Variants in TECR observed in about 807,000 individuals in gnomAD.
TECR encodes trans-2,3-enoyl-CoA reductase.
In TECR, 19 loss-of-function variants were observed where a neutral mutation model predicts 50.6. The observed-to-expected ratio is 0.38, with a 90% CI of 0.26 to 0.55. The LOEUF (loss-of-function observed/expected upper bound fraction) is 0.55, where lower values mean the gene tolerates loss of function less well. Ranked by LOEUF, TECR falls within the 20% of genes least tolerant of loss-of-function variation. The probability of loss-of-function intolerance (pLI) is 0.79; values close to 1 mark genes in which losing one functional copy is unlikely to be tolerated. For synonymous variants in TECR, 168 were observed against 163.5 expected (o/e 1.03, Z -0.21); for missense variants, 313 against 408.3 (o/e 0.77, Z 2.01).
chr19:14,561,867 A>G (rs1362148950), intron 1 of TECR: 1 of 157,566 alleles, frequency 6.3e-6, no homozygotes, highest in East Asian at 1.9e-4. Flanking sequence ...CGGATTCTCA[A>G]AATAGCTGGG....
rs551375507 is a variant in TECR, at chr19:14,565,000, G to A, written c.606+8G>A. 2.4e-4 allele frequency: 394 copies of A among 1,614,050 alleles called. 2 individuals carry two copies. In the South Asian group the frequency reaches 4.1e-3, roughly 17 times the overall value. On this transcript the variant is annotated splice_region_variant and intron_variant, in intron 9 of 12. Coordinates refer to ENST00000215567, the MANE Select transcript of TECR (RefSeq NM_138501.6). ...GCGCTCGCCATCTTTGTGGTAAGGA[G>A]GCTGGGTGTGGGGACGGGGTCGGGG...
rs1240311552 is a variant in TECR, at chr19:14,563,175, G to A, written c.67-31G>A. 2 of 1,613,626 alleles carry A rather than the reference G, an allele frequency of 1.2e-6. No homozygotes were observed. Among genetic ancestry groups the A allele is most frequent in the South Asian group, 1.1e-5 (1 of 91,078 alleles). ...ATCCTGAGTCTGGGCTCCCCGCAGA[G>A]CTGACGTCCCTGCGCCTGTGCTTCC... On this transcript the variant is annotated intron_variant, in intron 2 of 12. Transcript: ENST00000215567. This position sits in a 1 kb window ranked among gnomAD's most constrained non-coding sequence, Gnocchi z 5.3.
intron 1 of TECR, among the ~76,000 whole-genome samples, chr19:14,542,357 T>TGG (rs1568404130): frequency 2.4e-5 from 3 of 122,670 alleles, no homozygotes; most frequent in African/African-American, 9.7e-5. Flanking sequence ...GTTTTTTTTT[T>TGG]TTTTTTTTTT....
In TECR at chr19:14,542,347, GTTTTTTTTTT is replaced by G. The variant is rs71166754; in HGVS notation, c.15+12656_15+12665del. 4.2e-3 allele frequency among the ~76,000 whole-genome samples: 184 copies of G among 43,308 alleles called. 1 individual carries two copies. The highest frequency in any genetic ancestry group is 0.014 in the African/African-American group (173 of 12,332). The allele number at this position is 43,308 out of a possible 152,430, so 28.4% of individuals were successfully genotyped here. On this transcript the variant is annotated intron_variant, in intron 1 of 12. Transcript: ENST00000215567. ...CCTCAGGGGGCCCTCATGCCATAGTGTTTTTTTTTTTTTTTTTTTTTTTTTTTTTCTGAGA... is the reference window on the plus strand; with the variant it reads ...CCTCAGGGGGCCCTCATGCCATAGTGTTTTTTTTTTTTTTTTTTTCTGAGA...
intron 11 of TECR, 144 bp downstream of exon 11, chr19:14,565,434 G>C: frequency 2.9e-6 from 4 of 1,362,892 alleles, no homozygotes; most frequent in Non-Finnish European, 4.1e-6. Flanking sequence ...CGGCCTCTCT[G>C]CTGTGGTGGC....
At chr19:14,534,280 A>C (rs2072782117) in intron 1 of TECR, among the ~76,000 whole-genome samples, 2 of 142,752 alleles carry the variant, frequency 1.4e-5, no homozygotes, top group African/African-American at 5.0e-5. Context: ...GCCTGCCACC[A>C]TGCCTGGCTA....
At chr19:14,530,491 T>C (rs990633743) in intron 1 of TECR, 5 of 152,268 alleles carry the variant, frequency 3.3e-5, no homozygotes, top group African/African-American at 9.6e-5. Context: ...AAATTTGTTA[T>C]TAAAATTCAA....
chr19:14,563,247 C>T lies in TECR; in HGVS notation c.108C>T (p.Phe36=). 1 of 1,613,816 alleles carries T rather than the reference C, an allele frequency of 6.2e-7. No individual in the cohort carries two copies. ...CCATTGCGGAGATCAAGAACCTCTTCACTAAGACCCGTGAGTTCTAGTCCC... is the reference window on the plus strand; with the variant it reads ...CCATTGCGGAGATCAAGAACCTCTTTACTAAGACCCGTGAGTTCTAGTCCC... ...HATIAEIKNL[F]TKTHPQWYPA... The change falls in exon 3 of 13, where the codon TTC becomes TTT. Residue 36 remains phenylalanine (F), a synonymous_variant. Coordinates refer to ENST00000215567, the MANE Select transcript of TECR (RefSeq NM_138501.6). The surrounding 1 kb of genome is among the most constrained non-coding windows in gnomAD (Gnocchi z 5.3).
chr19:14,529,523 T>C (rs1370698836), upstream of TECR: 2 of 846,518 alleles, frequency 2.4e-6, no homozygotes, highest in Admixed American at 1.9e-5. Context: ...GGGGCGAACG[T>C]GGGCGCCTCG....
At position 14,564,085 on chromosome 19, in the gene TECR, A is replaced by T. The variant is rs766346435; in HGVS notation, c.371A>T (p.His124Leu). Residue 124 changes from histidine to leucine, a missense_variant, in exon 6 of 13, where the codon CAT (histidine) becomes CTT (leucine). Coordinates refer to ENST00000215567, the MANE Select transcript of TECR (RefSeq NM_138501.6). ...GHKYDFTSSR[H>L]TVVHLACICH... is the part of the protein sequence containing the mutation. ...AAATATGACTTTACGTCCAGTCGGCATACAGTGGTGCAGTAAGTGGGGCAG... is the reference window on the plus strand; with the variant it reads ...AAATATGACTTTACGTCCAGTCGGCTTACAGTGGTGCAGTAAGTGGGGCAG... 6.2e-7 allele frequency: 1 copy of T among 1,612,454 alleles called. No homozygotes were observed.
At chr19:14,536,044 GT>G (rs2072886053) in intron 1 of TECR, among the ~76,000 whole-genome samples, 1 of 152,034 alleles carries the variant, frequency 6.6e-6, no homozygotes, top group Non-Finnish European at 1.5e-5. Flanking sequence ...AATTTTTCTG[GT>G]TTAACTTCTG....
Position 14,565,063 on chromosome 19 carries a change from C to T in TECR, c.607-3C>T. The T allele has an allele frequency of 6.2e-7, 1 of 1,613,900 alleles. No homozygotes were observed. The highest frequency in any genetic ancestry group is 8.5e-7 in the Non-Finnish European group (1 of 1,180,032). ...CCCTAGGCTGATCCTGCTTCTCTGA[C>T]AGATCTGCCAGCTCGGCAACTTCTC... On this transcript the variant is annotated splice_polypyrimidine_tract_variant and splice_region_variant and intron_variant, in intron 9 of 12. Transcript: ENST00000215567.
intron 11 of TECR, 34 bp downstream of exon 11, chr19:14,565,324 A>G: frequency 6.2e-7 from 1 of 1,610,502 alleles, no homozygotes; most frequent in East Asian, 2.2e-5. Context: ...CTGCCCTGGG[A>G]CTTGGGGTCC....
chr19:14,563,153 C>G lies in TECR; in HGVS notation c.67-53C>G. 6.2e-7 allele frequency: 1 copy of G among 1,613,596 alleles called. No individual in the cohort carries two copies. The highest frequency in any genetic ancestry group is 8.5e-7 in the Non-Finnish European group (1 of 1,179,712). On this transcript the variant is annotated intron_variant, in intron 2 of 12. Coordinates refer to ENST00000215567, the MANE Select transcript of TECR (RefSeq NM_138501.6). The surrounding 1 kb of genome is among the most constrained non-coding windows in gnomAD (Gnocchi z 5.3). ...CCATCCCCTTTAGTACCTCCCCATC[C>G]TGAGTCTGGGCTCCCCGCAGAGCTG...
intron 1 of TECR, among the ~76,000 whole-genome samples, chr19:14,548,867 A>C (rs2073392414): frequency 1.3e-5 from 2 of 152,060 alleles, no homozygotes; most frequent in Admixed American, 6.6e-5. Context: ...GAGCCACCGC[A>C]TCCAACCATC....
intron 11 of TECR, 21 bp from the exon 12 acceptor site, chr19:14,565,593 GCTCA>G (rs1444941324): frequency 6.2e-7 from 1 of 1,605,122 alleles, no homozygotes; most frequent in African/African-American, 1.3e-5. Context: ...GGCTGCCCAC[GCTCA>G]CTCTCCGCCC....
In TECR at chr19:14,543,248, G is replaced by C. The variant is rs1241838730; in HGVS notation, c.15+13537G>C. ...GGGCAGATGGGTGGAGCTGCTGAAT[G>C]AATGTTTCTCAGGAGCTGGGTGGGG... On this transcript the variant is annotated intron_variant, in intron 1 of 12. Transcript: ENST00000215567. Among the ~76,000 whole-genome samples, 6 of 146,136 alleles carry C rather than the reference G, an allele frequency of 4.1e-5. No individual in the cohort carries two copies. In the South Asian group the frequency reaches 1.3e-3, roughly 32 times the overall value.
intron 1 of TECR, among the ~76,000 whole-genome samples, chr19:14,557,929 G>C (rs191247451): frequency 4.0e-5 from 6 of 151,608 alleles, no homozygotes; most frequent in Non-Finnish European, 8.8e-5. Flanking sequence ...CTAATTTTTT[G>C]TATTTTTAGT....
At chr19:14,535,506 CAAAAAAAAAAAAAAAAAAAAAAA>C (rs1172079027) in intron 1 of TECR, among the ~76,000 whole-genome samples, 4 of 17,176 alleles carry the variant, frequency 2.3e-4, no homozygotes, top group African/African-American at 5.6e-4. Flanking sequence ...GACTCCGTCT[CAAAAAAAAAAAAAAAAAAAAAAA>C]AAAAAAAAAA....
Sources: allele counts gnomAD v4.1 joint callset (sites outside exome capture counted in the v4.1 genomes callset), GRCh38; gene constraint gnomAD v4.1.1; non-coding constraint Gnocchi (gnomAD v3.1); transcripts MANE v1.5; gene names NCBI Gene and HGNC (gene_info 2026-07-23, HGNC 2026-07-21).